GBA2: variants seen among roughly 807,000 people sequenced by gnomAD.
The protein encoded by GBA2 is glucosylceramidase beta 2, also known as non-lysosomal glucosylceramidase.
In GBA2, 79 loss-of-function variants were observed where a neutral mutation model predicts 112.9. That is an observed-to-expected ratio of 0.70 (90% confidence interval 0.58 to 0.84). The LOEUF is 0.84. GBA2 is among the 40% of genes least tolerant of loss of function. GBA2 has a pLI of 0.00. For synonymous variants in GBA2, 403 were observed against 434.3 expected, an observed-to-expected ratio of 0.93 and a Z score of 0.90; for missense variants, 1,043 against 1,190.0, an observed-to-expected ratio of 0.88 and a Z score of 1.82.
chr9:35,743,292 T>C (rs1826801247), intron 3 of GBA2: 1 of 153,826 alleles, frequency 6.5e-6, no homozygotes, highest in Admixed American at 6.5e-5. Context: ...ACCTTGCGCA[T>C]GTTACTAAAC....
rs1826667535 is a variant in GBA2, at chr9:35,741,335, T to C, written c.787-271A>G. 1 of 522,100 alleles carries C rather than the reference T, an allele frequency of 1.9e-6. No individual in the cohort carries two copies. Among genetic ancestry groups the C allele is most frequent in the African/African-American group, 1.9e-5 (1 of 52,050 alleles). 32.3% of individuals were successfully genotyped at this position (522,100 alleles called of 1,614,324 possible). On this transcript the variant is annotated intron_variant, in intron 4 of 16. Transcript: ENST00000378103. The surrounding 1 kb of genome is among the most constrained non-coding windows in gnomAD (Gnocchi z 4.6). ...CAGGCCATGCAGTTTCTTTTTTTTT[T>C]TTTTTGGGGGGTGCGGTGGCGCAAT...
At chr9:35,747,023 A>C (rs1315613767) in intron 1 of GBA2, among the ~76,000 whole-genome samples, 1 of 151,972 alleles carries the variant, frequency 6.6e-6, no homozygotes, top group Non-Finnish European at 1.5e-5. Context: ...GCCATTCCTG[A>C]CCTATTTGGC....
chr9:35,739,588 G>A (rs1474542619), intron 9 of GBA2, 40 bp downstream of exon 9: 12 of 1,582,920 alleles, frequency 7.6e-6, no homozygotes, highest in Non-Finnish European at 1.0e-5. Flanking sequence ...TCCTGACTTG[G>A]GGATGGCCTG....
In GBA2 at chr9:35,740,776, G is replaced by A. The variant is rs1325313426; in HGVS notation, c.1026+49C>T. ...GGGTGGATGAAGAGACCATGCTGGG[G>A]TGGAGGTGGGGTTCAGGGGCTAAGG... On this transcript the variant is annotated intron_variant, in intron 5 of 16. Coordinates refer to ENST00000378103, the MANE Select transcript of GBA2 (RefSeq NM_020944.3). This position sits in a 1 kb window ranked among gnomAD's most constrained non-coding sequence, Gnocchi z 4.7. The A allele has an allele frequency of 3.7e-6, 6 of 1,604,416 alleles. No individual in the cohort carries two copies. In the Admixed American group the frequency reaches 8.4e-5, roughly 22 times the overall value.
chr9:35,739,533 C>T (rs1826500076), intron 9 of GBA2, 95 bp downstream of exon 9: 3 of 1,317,382 alleles, frequency 2.3e-6, no homozygotes, highest in Non-Finnish European at 3.2e-6. Flanking sequence ...CCACACCCAA[C>T]ACCCCCTCAT....
Position 35,740,528 on chromosome 9 carries a change from G to C in GBA2, c.1127C>G (p.Thr376Ser), listed in dbSNP as rs757642405. 3.1e-6 allele frequency: 5 copies of C among 1,608,118 alleles called. No homozygotes were observed. Among genetic ancestry groups the C allele is most frequent in the Non-Finnish European group, 4.3e-6 (5 of 1,174,674 alleles). ...CTCCCAGTCAGACCCCCCATCACCA[G>C]TGGGAGAGTCCAGCTGTCCATCCTG... is the stretch of plus-strand genomic sequence containing the variant. Reference protein sequence around the residue: ...LLQDGQLDSPTGQSTPTQKGV... With the variant: ...LLQDGQLDSPSGQSTPTQKGV... Residue 376 changes from threonine (T) to serine (S), a missense_variant and splice_region_variant, in exon 6 of 17, where the codon ACT becomes AGT. By Grantham distance (58) the Thr-to-Ser change is moderately conservative (BLOSUM62 1). Coordinates refer to ENST00000378103, the MANE Select transcript of GBA2 (RefSeq NM_020944.3). The surrounding 1 kb of genome is among the most constrained non-coding windows in gnomAD (Gnocchi z 4.7).
rs1826434618 is a variant in GBA2 at position 35,738,863 on chromosome 9, A to G, written c.1836T>C (p.His612=). 2 of 1,614,086 alleles carry G rather than the reference A, an allele frequency of 1.2e-6. No individual in the cohort carries two copies. The highest frequency in any genetic ancestry group is 1.7e-6 in the Non-Finnish European group (2 of 1,179,922). The change falls in exon 12 of 17, where the codon CAT becomes CAC. Residue 612 remains histidine (H), a synonymous_variant. Transcript: ENST00000378103. ...PWLRVNAYLI[H]DTADWKDLNL... ...TCAGGTCCTTCCAATCAGCAGTATC[A>G]TGGATTAAATATGCATTGACGCGGA... is the stretch of plus-strand genomic sequence containing the variant.
Position 35,748,489 on chromosome 9 carries a change from A to G in GBA2, c.216T>C (p.Tyr72=). 6.2e-7 allele frequency: 1 copy of G among 1,614,136 alleles called. No homozygotes were observed. The change falls in exon 1 of 17, where the codon TAT becomes TAC. Residue 72 remains tyrosine, a synonymous_variant. Coordinates refer to ENST00000378103, the MANE Select transcript of GBA2 (RefSeq NM_020944.3). ...CCTGGTAGCCCATAGCTTTACCCTC[A>G]TAGGAAACCATCAGCTGCCCAGAGT... ...PEDSGQLMVS[Y]EGKAMGYQVP...
rs1826984067 is a variant in GBA2 at position 35,746,663 on chromosome 9, G to A, written c.359+1683C>T. On this transcript the variant is annotated intron_variant, in intron 1 of 16. Transcript: ENST00000378103. This position sits in a 1 kb window ranked among gnomAD's most constrained non-coding sequence, Gnocchi z 5.2. ...GGAAAGAAGAGGGAAGACAAAGGAT[G>A]GGATGACAGGAAGGCAGAGAATCCT... is the stretch of plus-strand genomic sequence containing the variant. Among the ~76,000 whole-genome samples the A allele has an allele frequency of 6.6e-6, 1 of 152,090 alleles. No individual in the cohort carries two copies. The highest frequency in any genetic ancestry group is 1.9e-4 in the East Asian group (1 of 5,192).
rs375462708 is a variant in GBA2 at position 35,738,715 on chromosome 9, C to T, written c.1947+37G>A. The stretch of plus-strand genomic sequence containing the variant: ...AGGCTCTTCCCAGACACCAACCATA[C>T]CCCTGGCACACTGGCCACTGCATGT... On this transcript the variant is annotated intron_variant, in intron 12 of 16. Transcript: ENST00000378103. The T allele has an allele frequency of 9.9e-6, 16 of 1,611,976 alleles. No individual in the cohort carries two copies. In the African/African-American group the frequency reaches 2.1e-4, roughly 22 times the overall value.
Position 35,737,526 on chromosome 9 carries a change from T to C in GBA2, c.2506-79A>G, listed in dbSNP as rs775048214. 5 of 1,566,974 alleles carry C rather than the reference T, an allele frequency of 3.2e-6. No individual in the cohort carries two copies. In the East Asian group the frequency reaches 7.2e-5, roughly 22 times the overall value. ...ACTTCCACTGGATAGATGGAGGCAG[T>C]AGAGTCTTTGCCTTCAAGGAGCTCC... On this transcript the variant is annotated intron_variant, in intron 16 of 16. Coordinates refer to ENST00000378103, the MANE Select transcript of GBA2 (RefSeq NM_020944.3). This position sits in a 1 kb window ranked among gnomAD's most constrained non-coding sequence, Gnocchi z 4.1.
At chr9:35,739,265 G>A (rs564627563) in intron 10 of GBA2, 50 bp downstream of exon 10, 9 of 1,250,568 alleles carry the variant, frequency 7.2e-6, no homozygotes, top group East Asian at 2.3e-5. Context: ...ACAGAAGTTC[G>A]GGGGTATGGG....
chr9:35,738,136 A>G lies in GBA2; in HGVS notation c.2214T>C (p.Tyr738=). The G allele has an allele frequency of 6.2e-7, 1 of 1,613,980 alleles. No individual in the cohort carries two copies. The highest frequency in any genetic ancestry group is 2.2e-5 in the East Asian group (1 of 44,874). ...RLLWNGRYYN[Y]DSSSRPQSRS... ...GAGACTGAGGCCGAGAGCTGCTGTC[A>G]TAGTTGTAATAGCGGCCTGGAGTCG... Residue 738 remains tyrosine (Y), a synonymous_variant, in exon 15 of 17, where the codon TAT becomes TAC. Coordinates refer to ENST00000378103, the MANE Select transcript of GBA2 (RefSeq NM_020944.3).
rs1461483429 is a variant in GBA2 at position 35,741,380 on chromosome 9, C to G, written c.786+292G>C. 1.9e-6 allele frequency: 1 copy of G among 515,226 alleles called. No homozygotes were observed. Among genetic ancestry groups the G allele is most frequent in the African/African-American group, 1.9e-5 (1 of 52,224 alleles). 31.9% of individuals were successfully genotyped at this position (515,226 alleles called of 1,614,324 possible). Reference sequence around the variant, plus strand: ...CGCAATCTCGGCTCACTGCAAGCTCCGCCTCCCGGGTTCACACCATTATCC... The same window carrying G: ...CGCAATCTCGGCTCACTGCAAGCTCGGCCTCCCGGGTTCACACCATTATCC... On this transcript the variant is annotated intron_variant, in intron 4 of 16. Coordinates refer to ENST00000378103, the MANE Select transcript of GBA2 (RefSeq NM_020944.3). The surrounding 1 kb of genome is among the most constrained non-coding windows in gnomAD (Gnocchi z 4.6).
chr9:35,749,017 G>A lies in GBA2; in HGVS notation c.-313C>T, dbSNP rs1570247. The A allele has an allele frequency of 0.4, 91,051 of 229,648 alleles. 18,961 individuals carry two copies. Among genetic ancestry groups the A allele is most frequent in the Middle Eastern group, 0.49 (365 of 744 alleles). The allele number at this position is 229,648 out of a possible 1,614,324, so 14.2% of individuals were successfully genotyped here. ...GACTGGGCCCGCAGAGAGGGGAGGA[G>A]CCGCGGGGCCAGCCCACCAGGCACC... is the stretch of plus-strand genomic sequence containing the variant. On this transcript the variant is annotated 5_prime_UTR_variant, in exon 1 of 17. Coordinates refer to ENST00000378103, the MANE Select transcript of GBA2 (RefSeq NM_020944.3). The surrounding 1 kb of genome is among the most constrained non-coding windows in gnomAD (Gnocchi z 4.4).
Position 35,749,005 on chromosome 9 carries a change from G to A in GBA2, c.-301C>T, listed in dbSNP as rs1332873700. Reference sequence around the variant, plus strand: ...CGGCCAAAGGGCGACTGGGCCCGCAGAGAGGGGAGGAGCCGCGGGGCCAGC... The same window carrying A: ...CGGCCAAAGGGCGACTGGGCCCGCAAAGAGGGGAGGAGCCGCGGGGCCAGC... On this transcript the variant is annotated 5_prime_UTR_variant, in exon 1 of 17. Transcript: ENST00000378103. This position sits in a 1 kb window ranked among gnomAD's most constrained non-coding sequence, Gnocchi z 4.4. The A allele has an allele frequency of 7.7e-6, 2 of 259,216 alleles. No homozygotes were observed. The highest frequency in any genetic ancestry group is 1.4e-5 in the Non-Finnish European group (2 of 139,604). The allele number at this position is 259,216 out of a possible 1,614,324, so 16.1% of individuals were successfully genotyped here.
chr9:35,745,718 C>T (rs1003488742), intron 1 of GBA2, among the ~76,000 whole-genome samples: 2 of 152,160 alleles, frequency 1.3e-5, no homozygotes, highest in African/African-American at 4.8e-5. Flanking sequence ...TTTCAAGGCT[C>T]TGACATCTGT....
chr9:35,739,829 A>G (rs772608281), intron 8 of GBA2, 29 bp from the exon 9 acceptor site: 16 of 1,607,056 alleles, frequency 1.0e-5, no homozygotes, highest in Non-Finnish European at 1.1e-5. Context: ...GAAATGGTTT[A>G]AGGAACATGT....
At position 35,746,978 on chromosome 9, in the gene GBA2, T is replaced by G. The variant is rs1827000012; in HGVS notation, c.359+1368A>C. ...AGAGTGCCCACAGTTCAGCTCCATC[T>G]TAGGAGCTCTCTTACTCCCTTAATA... is the stretch of plus-strand genomic sequence containing the variant. On this transcript the variant is annotated intron_variant, in intron 1 of 16. Transcript: ENST00000378103. The surrounding 1 kb of genome is among the most constrained non-coding windows in gnomAD (Gnocchi z 5.2). Among the ~76,000 whole-genome samples, 1 of 152,170 alleles carries G rather than the reference T, an allele frequency of 6.6e-6. No individual in the cohort carries two copies.
Sources: allele counts gnomAD v4.1 joint callset (sites outside exome capture counted in the v4.1 genomes callset), GRCh38; gene constraint gnomAD v4.1.1; non-coding constraint Gnocchi (gnomAD v3.1); transcripts MANE v1.5; gene names NCBI Gene and HGNC (gene_info 2026-07-23, HGNC 2026-07-21).